The following NEURL1B variants were observed in gnomAD, a reference collection of about 807,000 sequenced individuals.
NEURL1B encodes neuralized E3 ubiquitin protein ligase 1B, also known as E3 ubiquitin-protein ligase NEURL1B.
In NEURL1B, 13 loss-of-function variants were observed where a neutral mutation model predicts 37.4. That is an observed-to-expected ratio of 0.35 (90% CI 0.23 to 0.55). NEURL1B has a LOEUF of 0.55. NEURL1B is among the 20% of genes least tolerant of loss of function. NEURL1B has a pLI of 0.89. For synonymous variants in NEURL1B, 432 were observed against 426.6 expected (o/e 1.01, Z -0.16); for missense variants, 790 against 879.2 (o/e 0.90, Z 1.28).
intron 1 of NEURL1B, among the ~76,000 whole-genome samples, chr5:172,655,885 A>G (rs1365072509): frequency 2.0e-5 from 3 of 152,196 alleles, no homozygotes; most frequent in Admixed American, 6.5e-5. Flanking sequence ...ATCACGGGCG[A>G]GCCCCCAAAT....
chr5:172,685,406 T>C (rs1399154107), intron 3 of NEURL1B, among the ~76,000 whole-genome samples: 1 of 152,164 alleles, frequency 6.6e-6, no homozygotes, highest in East Asian at 1.9e-4. Flanking sequence ...GAAGTGCCCA[T>C]TATCTGTCCA....
intron 1 of NEURL1B, among the ~76,000 whole-genome samples, chr5:172,663,082 CA>C (rs1297358975): frequency 3.8e-5 from 4 of 104,868 alleles, no homozygotes; most frequent in Non-Finnish European, 7.7e-5. Flanking sequence ...GGTGTGGTGG[CA>C]CACACCTGTC....
At chr5:172,684,212 TCCCCGGCCCCGCCCCTC>T in intron 3 of NEURL1B, 74 bp downstream of exon 3, 1 of 1,124,826 alleles carries the variant, frequency 8.9e-7, no homozygotes. Flanking sequence ...GCTGCGCTCT[TCCCCGGCCCCGCCCCTC>T]TCGCTAGGCG....
At position 172,641,320 on chromosome 5, in the gene NEURL1B, G is replaced by T; in HGVS notation, c.-87G>T. On this transcript the variant is annotated 5_prime_UTR_variant, in exon 1 of 5. Transcript: ENST00000369800. This position sits in a 1 kb window ranked among gnomAD's most constrained non-coding sequence, Gnocchi z 6.4. ...TGCAGCTGCGATGCCCCGGAGCGTC[G>T]ACCCCGGTCCTGGTCCCTGGCCCGC... 2 of 1,175,458 alleles carry T rather than the reference G, an allele frequency of 1.7e-6. No individual in the cohort carries two copies. The highest frequency in any genetic ancestry group is 7.3e-5 in the South Asian group (2 of 27,270). The allele number at this position is 1,175,458 out of a possible 1,614,324, so 72.8% of individuals were successfully genotyped here.
Position 172,641,294 on chromosome 5 carries a change from G to C in NEURL1B, c.-113G>C, listed in dbSNP as rs993234088. Reference sequence around the variant, plus strand: ...CCAGCTGCCGCCCGCCGGCTCGCCCGTGCAGCTGCGATGCCCCGGAGCGTC... The same window carrying C: ...CCAGCTGCCGCCCGCCGGCTCGCCCCTGCAGCTGCGATGCCCCGGAGCGTC... On this transcript the variant is annotated 5_prime_UTR_variant, in exon 1 of 5. Transcript: ENST00000369800. This position sits in a 1 kb window ranked among gnomAD's most constrained non-coding sequence, Gnocchi z 6.4. 341 of 977,232 alleles carry C rather than the reference G, an allele frequency of 3.5e-4. No homozygotes were observed. Among genetic ancestry groups the C allele is most frequent in the Non-Finnish European group, 4.3e-4 (328 of 763,178 alleles). 60.5% of individuals were successfully genotyped at this position (977,232 alleles called of 1,614,324 possible).
intron 1 of NEURL1B, among the ~76,000 whole-genome samples, chr5:172,663,934 C>T (rs1305316745): frequency 6.6e-6 from 1 of 151,234 alleles, no homozygotes; most frequent in African/African-American, 2.4e-5. Context: ...CAGACTTGGC[C>T]ATTTTGGGGG....
chr5:172,653,611 T>C (rs1347084498), intron 1 of NEURL1B, among the ~76,000 whole-genome samples: 1 of 152,198 alleles, frequency 6.6e-6, no homozygotes, highest in East Asian at 1.9e-4. Context: ...AGAATTTCCT[T>C]TACAATTTAA....
chr5:172,673,608 G>A (rs931011586), intron 2 of NEURL1B, among the ~76,000 whole-genome samples: 2 of 151,976 alleles, frequency 1.3e-5, no homozygotes, highest in Admixed American at 1.3e-4. Context: ...GGAAAAAAAA[G>A]TTTTTTTGAC....
chr5:172,655,636 C>T (rs951132120), intron 1 of NEURL1B, among the ~76,000 whole-genome samples: 2 of 152,206 alleles, frequency 1.3e-5, no homozygotes, highest in African/African-American at 4.8e-5. Context: ...AAGTATTTTA[C>T]CGGCTTCCAC....
chr5:172,649,316 C>T (rs1450953667), intron 1 of NEURL1B, among the ~76,000 whole-genome samples: 2 of 147,724 alleles, frequency 1.4e-5, no homozygotes, highest in African/African-American at 5.0e-5. Context: ...CAGCGCCCAT[C>T]TGCCGAACTC....
intron 1 of NEURL1B, among the ~76,000 whole-genome samples, chr5:172,643,502 T>G (rs1311278673): frequency 6.6e-6 from 1 of 152,230 alleles, no homozygotes; most frequent in Non-Finnish European, 1.5e-5. Flanking sequence ...CTCTGCTATC[T>G]GGATGCCTGA....
At chr5:172,677,679 C>T (rs1758257196) in intron 2 of NEURL1B, among the ~76,000 whole-genome samples, 1 of 152,190 alleles carries the variant, frequency 6.6e-6, no homozygotes, top group South Asian at 2.1e-4. Context: ...GGCCTTCCCC[C>T]CGTGGCCGTG....
Position 172,686,851 on chromosome 5 carries a change from A to C in NEURL1B, c.1594A>C (p.Lys532Gln). The change falls in exon 5 of 5, where the codon AAG (lysine) becomes CAG (glutamine). Residue 532 changes from lysine (K) to glutamine (Q), a missense_variant. Physicochemically the swap from Lys to Gln is moderately conservative, Grantham distance 53 (BLOSUM62 1). This residue lies in a region of NEURL1B where 115 missense variants were observed against 162.6 expected (regional missense o/e 0.71). Transcript: ENST00000369800. The surrounding 1 kb of genome is among the most constrained non-coding windows in gnomAD (Gnocchi z 7.9). ...GTGCCACAGCTGCGGCCTGCGGCTC[A>C]AGCGACAGGCCCGGGCCTGCTGCCC... Reference protein sequence around the residue: ...CLCHSCGLRLKRQARACCPIC... With the variant: ...CLCHSCGLRLQRQARACCPIC... The C allele has an allele frequency of 6.4e-7, 1 of 1,550,960 alleles. No homozygotes were observed. Among genetic ancestry groups the C allele is most frequent in the Non-Finnish European group, 8.7e-7 (1 of 1,146,932 alleles).
intron 1 of NEURL1B, among the ~76,000 whole-genome samples, chr5:172,652,274 G>T (rs1429643921): frequency 6.6e-6 from 1 of 152,218 alleles, no homozygotes; most frequent in African/African-American, 2.4e-5. Flanking sequence ...CTGGAAAAGA[G>T]CTACCATGCA....
intron 2 of NEURL1B, among the ~76,000 whole-genome samples, chr5:172,673,036 T>C (rs1011542638): frequency 6.6e-6 from 1 of 152,232 alleles, no homozygotes; most frequent in African/African-American, 2.4e-5. Flanking sequence ...ATGTTTATTT[T>C]CTTCCCAGAG....
At position 172,647,275 on chromosome 5, in the gene NEURL1B, C is replaced by G. The variant is rs78925992; in HGVS notation, c.31+5838C>G. Among the ~76,000 whole-genome samples, 3 of 152,082 alleles carry G rather than the reference C, an allele frequency of 2.0e-5. No individual in the cohort carries two copies. On this transcript the variant is annotated intron_variant, in intron 1 of 4. Transcript: ENST00000369800. This position sits in a 1 kb window ranked among gnomAD's most constrained non-coding sequence, Gnocchi z 4.2. ...AGAGGGAGGGCGCCAGGTCGCAGCC[C>G]GACAGGTAGCACACGCTCACCTGGG...
At chr5:172,652,024 C>G (rs558967651) in intron 1 of NEURL1B, among the ~76,000 whole-genome samples, 1 of 152,180 alleles carries the variant, frequency 6.6e-6, no homozygotes, top group African/African-American at 2.4e-5. Flanking sequence ...ACCATACATC[C>G]GCTCTGGGAT....
rs1758501448 is a variant in NEURL1B at position 172,686,588 on chromosome 5, C to T, written c.1424-93C>T. 1 of 1,384,276 alleles carries T rather than the reference C, an allele frequency of 7.2e-7. No individual in the cohort carries two copies. The highest frequency in any genetic ancestry group is 9.8e-7 in the Non-Finnish European group (1 of 1,021,758). The allele number at this position is 1,384,276 out of a possible 1,614,324, so 85.7% of individuals were successfully genotyped here. A position where few individuals can be genotyped will look rare whatever the true frequency, so the allele number is the denominator to read the frequency against. On this transcript the variant is annotated intron_variant, in intron 4 of 4. Coordinates refer to ENST00000369800, the MANE Select transcript of NEURL1B (RefSeq NM_001142651.3). This position sits in a 1 kb window ranked among gnomAD's most constrained non-coding sequence, Gnocchi z 7.9. Reference sequence around the variant, plus strand: ...CTCCCAAAAGTATTCTCCCACCGGTCCCAGCAAGAAGCCCTGCATTCTCGG... The same window carrying T: ...CTCCCAAAAGTATTCTCCCACCGGTTCCAGCAAGAAGCCCTGCATTCTCGG...
chr5:172,648,470 A>G (rs1757600243), intron 1 of NEURL1B, among the ~76,000 whole-genome samples: 2 of 152,246 alleles, frequency 1.3e-5, no homozygotes, highest in Non-Finnish European at 2.9e-5. Context: ...CATGTCTATC[A>G]GGACAAGCCC....
Sources: gnomAD v4.1 joint callset for allele counts (sites outside exome capture counted in the v4.1 genomes callset) on GRCh38, gnomAD v4.1.1 for gene constraint, gnomAD v4.1.1 regional missense constraint, Gnocchi (gnomAD v3.1) non-coding constraint, MANE v1.5 for transcripts, NCBI Gene and HGNC (gene_info 2026-07-23, HGNC 2026-07-21) for gene names.